PTPRR: variants seen among roughly 807,000 people sequenced by gnomAD.
PTPRR encodes the protein protein tyrosine phosphatase receptor type R.
Under a neutral mutation model 77.2 loss-of-function variants are expected in PTPRR, and 38 were observed. The observed-to-expected ratio is 0.49, with a 90% CI of 0.38 to 0.65. The LOEUF is 0.65. Ranked by LOEUF, PTPRR falls within the 30% of genes least tolerant of loss-of-function variation. The probability of loss-of-function intolerance (pLI) is 0.00; values close to 1 mark genes in which losing one functional copy is unlikely to be tolerated. For missense variants in PTPRR, 744 were observed against 799.2 expected (o/e 0.93, Z 0.83); for synonymous variants, 299 against 283.1 (o/e 1.06, Z -0.57).
chr12:70,844,129 G>A (rs1435765237), intron 2 of PTPRR, among the ~76,000 whole-genome samples: 1 of 151,814 alleles, frequency 6.6e-6, no homozygotes, highest in East Asian at 1.9e-4. Flanking sequence ...AAAAATTATC[G>A]AATTAGATTT....
chr12:70,911,723 T>A (rs1893702246), intron 1 of PTPRR, among the ~76,000 whole-genome samples: 1 of 96,558 alleles, frequency 1.0e-5, no homozygotes, highest in Non-Finnish European at 1.9e-5. Flanking sequence ...AGCATACAGA[T>A]GAAAACTATC....
intron 5 of PTPRR, among the ~76,000 whole-genome samples, chr12:70,751,179 T>G (rs900248218): frequency 6.6e-6 from 1 of 152,140 alleles, no homozygotes; most frequent in Non-Finnish European, 1.5e-5. Flanking sequence ...TCCCAGGAAA[T>G]GAGAACATTT....
chr12:70,919,365 G>C (rs1286420797), intron 1 of PTPRR, among the ~76,000 whole-genome samples: 4 of 152,158 alleles, frequency 2.6e-5, no homozygotes, highest in African/African-American at 9.7e-5. Flanking sequence ...TGTCACAGTA[G>C]GGTTTCTAAA....
In PTPRR at chr12:70,773,062, A is replaced by T. The variant is rs370948120; in HGVS notation, c.358-8284T>A. Among the ~76,000 whole-genome samples the T allele has an allele frequency of 7.2e-5, 11 of 152,154 alleles. No homozygotes were observed. The South Asian group carries it at 2.3e-3, about 32-fold the overall frequency. On this transcript the variant is annotated intron_variant, in intron 2 of 13. Coordinates refer to ENST00000283228, the MANE Select transcript of PTPRR (RefSeq NM_002849.4). ...CCTTGGATTACAGATATATTACTCT[A>T]ATCTTTGCATCTGTCATCACTTGGC...
Position 70,754,278 on chromosome 12 carries a change from A to C in PTPRR, c.651T>G (p.His217Gln), listed in dbSNP as rs1281543154. ...CTTTGCTCCAGATTTTGTCCGCTTC[A>C]TGCTGCCCTTGTAAAACATTTTTCT... ...SPEKNVLQGQHEADKIWSKEG... is the reference protein window; with the variant it reads ...SPEKNVLQGQQEADKIWSKEG... The change falls in exon 5 of 14, where the codon CAT becomes CAG. Residue 217 changes from histidine to glutamine, a missense_variant. Transcript: ENST00000283228. The C allele has an allele frequency of 6.2e-7, 1 of 1,613,702 alleles. No individual in the cohort carries two copies. Among genetic ancestry groups the C allele is most frequent in the Non-Finnish European group, 8.5e-7 (1 of 1,179,802 alleles).
chr12:70,890,239 G>A (rs1044113027), intron 2 of PTPRR, among the ~76,000 whole-genome samples: 4 of 151,932 alleles, frequency 2.6e-5, no homozygotes, highest in Admixed American at 2.0e-4. Flanking sequence ...CTTCTTAATT[G>A]AGTTCCGGAA....
chr12:70,882,938 A>G (rs1893173665), intron 2 of PTPRR, among the ~76,000 whole-genome samples: 2 of 152,200 alleles, frequency 1.3e-5, no homozygotes, highest in South Asian at 2.1e-4. Flanking sequence ...CATTTAATCT[A>G]TACACCTCTA....
At chr12:70,679,008 G>A (rs1289726442) in intron 10 of PTPRR, among the ~76,000 whole-genome samples, 1 of 152,150 alleles carries the variant, frequency 6.6e-6, no homozygotes, top group African/African-American at 2.4e-5. Flanking sequence ...GTTCCTTGAG[G>A]TGTGTCATTA....
intron 2 of PTPRR, among the ~76,000 whole-genome samples, chr12:70,782,481 C>T (rs1592754276): frequency 6.6e-6 from 1 of 152,076 alleles, no homozygotes; most frequent in East Asian, 1.9e-4. Context: ...AAATGTGGCA[C>T]ATATACACCA....
At chr12:70,816,970 G>A (rs758557500) in intron 2 of PTPRR, among the ~76,000 whole-genome samples, 18 of 152,072 alleles carry the variant, frequency 1.2e-4, no homozygotes, top group Non-Finnish European at 1.9e-4. Context: ...TTTATAGAAT[G>A]ATCACAGTCT....
intron 2 of PTPRR, among the ~76,000 whole-genome samples, chr12:70,873,050 T>C (rs1892989246): frequency 6.6e-6 from 1 of 152,008 alleles, no homozygotes; most frequent in Admixed American, 6.5e-5. Context: ...TGAATTCAGA[T>C]GATCCAGTTC....
chr12:70,871,503 C>G (rs1416518034), intron 2 of PTPRR, among the ~76,000 whole-genome samples: 1 of 152,154 alleles, frequency 6.6e-6, no homozygotes, highest in African/African-American at 2.4e-5. Flanking sequence ...CATTCATTCC[C>G]TTAGGACAAG....
At chr12:70,693,046 G>C (rs904418935) in intron 8 of PTPRR, among the ~76,000 whole-genome samples, 1 of 152,114 alleles carries the variant, frequency 6.6e-6, no homozygotes, top group Non-Finnish European at 1.5e-5. Context: ...TCTTAGCAAA[G>C]AGGACAAGAA....
rs1886069232 is a variant in PTPRR, at chr12:70,643,139, T to C, written c.1881-3862A>G. ...TTAGAAAGGTCAACAGAGTCTTCTT[T>C]CTTCTTATTTTTGATATGGGGTCTT... On this transcript the variant is annotated intron_variant, in intron 13 of 13. Transcript: ENST00000283228. Among the ~76,000 whole-genome samples the C allele has an allele frequency of 2.0e-5, 3 of 152,264 alleles. No homozygotes were observed. The South Asian group carries it at 6.2e-4, about 32-fold the overall frequency.
At chr12:70,708,593 G>A (rs1041215543) in intron 6 of PTPRR, among the ~76,000 whole-genome samples, 1 of 151,132 alleles carries the variant, frequency 6.6e-6, no homozygotes, top group Non-Finnish European at 1.5e-5. Flanking sequence ...ATTTGGTATT[G>A]TTTTGACTGT....
At chr12:70,830,960 T>C (rs1892201409) in intron 2 of PTPRR, among the ~76,000 whole-genome samples, 1 of 152,240 alleles carries the variant, frequency 6.6e-6, no homozygotes, top group Non-Finnish European at 1.5e-5. Flanking sequence ...GCCTGACATA[T>C]ACAGTGTTGA....
In PTPRR at chr12:70,657,502, G is replaced by T. The variant is rs567654967; in HGVS notation, c.1767-685C>A. Among the ~76,000 whole-genome samples the T allele has an allele frequency of 1.9e-4, 29 of 152,258 alleles. No homozygotes were observed. The South Asian group carries it at 4.4e-3, about 23-fold the overall frequency. ...TATGTCCATAAAATCAACCTCACAAGCACACGTGCTCTCTCTGTCTCTGTC... is the reference window on the plus strand; with the variant it reads ...TATGTCCATAAAATCAACCTCACAATCACACGTGCTCTCTCTGTCTCTGTC... On this transcript the variant is annotated intron_variant, in intron 12 of 13. Coordinates refer to ENST00000283228, the MANE Select transcript of PTPRR (RefSeq NM_002849.4).
intron 6 of PTPRR, among the ~76,000 whole-genome samples, chr12:70,725,624 T>C (rs1889406283): frequency 6.6e-6 from 1 of 152,138 alleles, no homozygotes; most frequent in Admixed American, 6.6e-5. Flanking sequence ...AGAGCCAACT[T>C]AGGTGAGTTG....
At chr12:70,700,341 T>C (rs1270266601) in intron 7 of PTPRR, among the ~76,000 whole-genome samples, 2 of 152,168 alleles carry the variant, frequency 1.3e-5, no homozygotes, top group Non-Finnish European at 2.9e-5. Context: ...TAATCTTACT[T>C]CATGTTCTCT....
Sources: gnomAD v4.1 joint callset for allele counts (sites outside exome capture counted in the v4.1 genomes callset) on GRCh38, gnomAD v4.1.1 for gene constraint, MANE v1.5 for transcripts, NCBI Gene and HGNC (gene_info 2026-07-23, HGNC 2026-07-21) for gene names.